Variants in PARP15 observed in about 807,000 individuals in gnomAD.
PARP15 encodes the protein poly(ADP-ribose) polymerase family member 15.
PARP15 carries 50 observed loss-of-function variants against 62.1 expected under a neutral mutation model. The observed-to-expected ratio is 0.81, with a 90% CI of 0.64 to 1.02. The LOEUF is 1.02. Among genes scored for constraint, PARP15 ranks in the 50% least tolerant of loss-of-function variants. The pLI, the probability that PARP15 is intolerant of heterozygous loss-of-function variation, is 0.00. For synonymous variants in PARP15, 309 were observed against 293.1 expected, an observed-to-expected ratio of 1.05 and a Z score of -0.55; for missense variants, 820 against 826.5, an observed-to-expected ratio of 0.99 and a Z score of 0.10.
chr3:122,605,831 C>T, intron 1 of PARP15, 105 bp from the exon 2 acceptor site: 2 of 1,173,858 alleles, frequency 1.7e-6, no homozygotes, highest in South Asian at 3.2e-5. Flanking sequence ...ATTCTCCCAC[C>T]TAGTCTTCCA....
At chr3:122,579,997 A>ATGTATATG (rs2080765700) in intron 1 of PARP15, among the ~76,000 whole-genome samples, 1 of 54,442 alleles carries the variant, frequency 1.8e-5, no homozygotes, top group Admixed American at 2.9e-4. Flanking sequence ...CAGCAACTAT[A>ATGTATATG]TGTATATATA....
At chr3:122,622,098 C>A (rs1209365691) in intron 8 of PARP15, among the ~76,000 whole-genome samples, 1 of 152,226 alleles carries the variant, frequency 6.6e-6, no homozygotes, top group African/African-American at 2.4e-5. Flanking sequence ...TGTGCCCACC[C>A]CTTTCTTCTT....
chr3:122,608,369 C>T (rs1043192127), intron 2 of PARP15, among the ~76,000 whole-genome samples: 1 of 152,018 alleles, frequency 6.6e-6, no homozygotes, highest in Non-Finnish European at 1.5e-5. Flanking sequence ...GCGCCCACCA[C>T]CATGCCCAGC....
In PARP15 at chr3:122,606,044, C is replaced by A; in HGVS notation, c.295C>A (p.Leu99Met). The change falls in exon 2 of 12, where the codon CTG (leucine) becomes ATG (methionine). Residue 99 changes from leucine (L) to methionine (M), a missense_variant. This residue lies in a region of PARP15 where 731 missense variants were observed against 727.7 expected (regional missense o/e 1.00). Coordinates refer to ENST00000464300, the MANE Select transcript of PARP15 (RefSeq NM_001113523.3). The part of the protein sequence containing the change: ...LNLKLISGDV[L>M]YIWADVIVNS... ...TCTCAAGTTGATAAGTGGAGATGTT[C>A]TGTACATCTGGGTAGGTGATGCCAT... is the stretch of plus-strand genomic sequence containing the variant. 1.3e-6 allele frequency: 2 copies of A among 1,551,828 alleles called. No homozygotes were observed. Among genetic ancestry groups the A allele is most frequent in the South Asian group, 2.4e-5 (2 of 83,970 alleles).
intron 9 of PARP15, among the ~76,000 whole-genome samples, chr3:122,628,552 G>C (rs1473523978): frequency 1.3e-5 from 2 of 152,126 alleles, no homozygotes; most frequent in Non-Finnish European, 2.9e-5. Flanking sequence ...TATCAGTAAA[G>C]TAAAAAATAA....
chr3:122,580,280 G>C (rs1215552132), intron 1 of PARP15, among the ~76,000 whole-genome samples: 5 of 151,636 alleles, frequency 3.3e-5, no homozygotes, highest in Non-Finnish European at 7.4e-5. Flanking sequence ...TTGTGGATTT[G>C]TTTATTTTCT....
At chr3:122,581,114 A>G (rs1209888493) in intron 1 of PARP15, among the ~76,000 whole-genome samples, 3 of 152,226 alleles carry the variant, frequency 2.0e-5, no homozygotes, top group African/African-American at 7.2e-5. Context: ...TGGTGTTCAC[A>G]CAATGACAGA....
intron 1 of PARP15, among the ~76,000 whole-genome samples, chr3:122,584,931 G>A (rs1207085122): frequency 6.6e-6 from 1 of 152,018 alleles, no homozygotes; most frequent in East Asian, 1.9e-4. Context: ...TTTGGTCTAA[G>A]TTTTTTCAGT....
At chr3:122,581,083 G>T (rs748093805) in intron 1 of PARP15, among the ~76,000 whole-genome samples, 3 of 152,240 alleles carry the variant, frequency 2.0e-5, no homozygotes, top group South Asian at 2.1e-4. Context: ...ATACCATCTA[G>T]GTTTGTGTAA....
In PARP15 at chr3:122,616,952, G is replaced by T. The variant is rs1486219219; in HGVS notation, c.851-63G>T. The stretch of plus-strand genomic sequence containing the variant: ...AGCTGGGAAGAGAATAGGGCCCCAA[G>T]ATGAGTGCTGTTCCTCCAGAAGCTG... On this transcript the variant is annotated intron_variant, in intron 5 of 11. Coordinates refer to ENST00000464300, the MANE Select transcript of PARP15 (RefSeq NM_001113523.3). 4 of 1,562,688 alleles carry T rather than the reference G, an allele frequency of 2.6e-6. No homozygotes were observed. In the African/African-American group the frequency reaches 4.1e-5, roughly 16 times the overall value.
chr3:122,630,169 T>A (rs1253775044), intron 9 of PARP15, among the ~76,000 whole-genome samples: 1 of 152,236 alleles, frequency 6.6e-6, no homozygotes, highest in Non-Finnish European at 1.5e-5. Flanking sequence ...AGCCGTGGGC[T>A]GCAAGTCAAC....
chr3:122,615,674 A>G, intron 4 of PARP15, 105 bp from the exon 5 acceptor site: 1 of 1,583,746 alleles, frequency 6.3e-7, no homozygotes, highest in Non-Finnish European at 8.6e-7. Flanking sequence ...ATATTTTGAG[A>G]ACTATTGTTA....
At chr3:122,635,310 G>A in intron 11 of PARP15, 116 bp downstream of exon 11, 2 of 909,070 alleles carry the variant, frequency 2.2e-6, no homozygotes, top group Non-Finnish European at 3.2e-6. Context: ...TCAGAATAGA[G>A]CTCACTGTGT....
In PARP15 at chr3:122,610,515, G is replaced by A. The variant is rs1196652616; in HGVS notation, c.328G>A (p.Val110Ile). The change falls in exon 3 of 12, where the codon GTT becomes ATT. Residue 110 changes from valine (V) to isoleucine (I), a missense_variant. By Grantham distance (29) the Val-to-Ile change is conservative (BLOSUM62 3). This residue lies in a region of PARP15 where 731 missense variants were observed against 727.7 expected (regional missense o/e 1.00). Coordinates refer to ENST00000464300, the MANE Select transcript of PARP15 (RefSeq NM_001113523.3). ...YIWADVIVNS[V>I]PMNLQLGGGP... ...TAAGGCCGATGTCATTGTCAACAGC[G>A]TTCCCATGAATCTTCAGCTTGGAGG... 3.9e-6 allele frequency: 6 copies of A among 1,551,538 alleles called. No individual in the cohort carries two copies. Among genetic ancestry groups the A allele is most frequent in the South Asian group, 2.4e-5 (2 of 84,026 alleles).
rs985182179 is a variant in PARP15 at position 122,594,604 on chromosome 3, G to A, written c.187-11332G>A. 1.5e-4 allele frequency: 138 copies of A among 950,360 alleles called. No homozygotes were observed. The Middle Eastern group carries it at 3.8e-3, about 26-fold the overall frequency. The allele number at this position is 950,360 out of a possible 1,614,324, so 58.9% of individuals were successfully genotyped here. A position where few individuals can be genotyped will look rare whatever the true frequency, so the allele number is the denominator to read the frequency against. The stretch of plus-strand genomic sequence containing the variant: ...TAGGGTAGGGGAGGTTGAAATTGAC[G>A]TTGTGAAATCTAACTTTACATAGAA... On this transcript the variant is annotated intron_variant, in intron 1 of 11. Coordinates refer to ENST00000464300, the MANE Select transcript of PARP15 (RefSeq NM_001113523.3).
intron 8 of PARP15, among the ~76,000 whole-genome samples, chr3:122,622,069 G>A (rs578194493): frequency 8.7e-4 from 133 of 152,350 alleles, no homozygotes; most frequent in African/African-American, 3.1e-3. Flanking sequence ...TAAGTGCTGG[G>A]ATTACAGGCA....
At chr3:122,623,578 G>GT (rs966216157) in intron 8 of PARP15, among the ~76,000 whole-genome samples, 1 of 152,160 alleles carries the variant, frequency 6.6e-6, no homozygotes, top group African/African-American at 2.4e-5. Context: ...ACCAATAATC[G>GT]TAAGTGTTGG....
rs1553725409 is a variant in PARP15 at position 122,579,999 on chromosome 3, G to GTGTATATATATATA, written c.186+2147_186+2148insGTATATATATATAT. Among the ~76,000 whole-genome samples, 63 of 64,450 alleles carry GTGTATATATATATA rather than the reference G, an allele frequency of 9.8e-4. 1 individual carries two copies. The highest frequency in any genetic ancestry group is 1.6e-3 in the Non-Finnish European group (48 of 30,724). 42.3% of individuals were successfully genotyped at this position (64,450 alleles called of 152,430 possible). On this transcript the variant is annotated intron_variant, in intron 1 of 11. Transcript: ENST00000464300. The stretch of plus-strand genomic sequence containing the variant: ...GTCTGAACAACAACAGCAACTATAT[G>GTGTATATATATATA]TATATATATATATATATATATATAT...
At chr3:122,633,029 A>G (rs930642597) in intron 10 of PARP15, among the ~76,000 whole-genome samples, 3 of 152,206 alleles carry the variant, frequency 2.0e-5, no homozygotes, top group Non-Finnish European at 4.4e-5. Flanking sequence ...AACAGGGTGT[A>G]GCATCCTAGT....
Sources: allele counts gnomAD v4.1 joint callset (sites outside exome capture counted in the v4.1 genomes callset), GRCh38; gene constraint gnomAD v4.1.1; regional missense constraint gnomAD v4.1.1; transcripts MANE v1.5; gene names NCBI Gene and HGNC (gene_info 2026-07-23, HGNC 2026-07-21).